LZTS1: variants seen among roughly 807,000 people sequenced by gnomAD.
The protein encoded by LZTS1 is leucine zipper tumor suppressor 1, also known as leucine zipper putative tumor suppressor 1.
Under a neutral mutation model 45.8 loss-of-function variants are expected in LZTS1, and 31 were observed. That is an observed-to-expected ratio of 0.68 (90% CI 0.51 to 0.91). LZTS1 has a LOEUF of 0.91. Ranked by LOEUF, LZTS1 falls within the 40% of genes least tolerant of loss-of-function variation. The pLI, the probability that LZTS1 is intolerant of heterozygous loss-of-function variation, is 0.00. For missense variants in LZTS1, 821 were observed against 788.9 expected (o/e 1.04, Z -0.49); for synonymous variants, 359 against 357.3 (o/e 1.00, Z -0.05).
chr8:20,276,795 G>T (rs936130324), intron 1 of LZTS1, among the ~76,000 whole-genome samples: 3 of 152,214 alleles, frequency 2.0e-5, no homozygotes, highest in African/African-American at 7.2e-5. Flanking sequence ...CCTCTGCAGA[G>T]CTGATTGTTT....
intron 1 of LZTS1, among the ~76,000 whole-genome samples, chr8:20,285,758 G>A (rs576197030): frequency 6.6e-6 from 1 of 152,344 alleles, no homozygotes; most frequent in South Asian, 2.1e-4. Flanking sequence ...AACTAAGCTG[G>A]AGGGTGTATA....
At chr8:20,284,859 T>C (rs923636143) in intron 1 of LZTS1, among the ~76,000 whole-genome samples, 9 of 152,196 alleles carry the variant, frequency 5.9e-5, no homozygotes, top group African/African-American at 2.4e-5. Context: ...CCTGCTCCCA[T>C]AGCCTATCTC....
At chr8:20,281,274 A>T (rs1392962717) in intron 1 of LZTS1, among the ~76,000 whole-genome samples, 1 of 151,962 alleles carries the variant, frequency 6.6e-6, no homozygotes, top group Non-Finnish European at 1.5e-5. Flanking sequence ...AGAATGGCTT[A>T]GTGGCCTGGA....
chr8:20,276,602 A>G (rs1800588554), intron 1 of LZTS1, among the ~76,000 whole-genome samples: 1 of 152,168 alleles, frequency 6.6e-6, no homozygotes, highest in Admixed American at 6.5e-5. Context: ...ATCCTGTACA[A>G]TCAATCAGTA....
chr8:20,251,136 T>TATAA (rs1799893268), intron 3 of LZTS1, among the ~76,000 whole-genome samples: 1 of 82,296 alleles, frequency 1.2e-5, no homozygotes, highest in South Asian at 4.3e-4. Context: ...TATATATATA[T>TATAA]ATATATATAT....
intron 1 of LZTS1, among the ~76,000 whole-genome samples, chr8:20,277,453 T>C (rs1800607418): frequency 6.6e-6 from 1 of 152,228 alleles, no homozygotes; most frequent in African/African-American, 2.4e-5. Flanking sequence ...GCCATTCTTT[T>C]GTTTTGTAAA....
At chr8:20,296,784 A>G (rs148471337) in intron 1 of LZTS1, among the ~76,000 whole-genome samples, 1 of 152,230 alleles carries the variant, frequency 6.6e-6, no homozygotes, top group Non-Finnish European at 1.5e-5. Context: ...TTCTCCCACA[A>G]TGATTAACTG....
At chr8:20,257,449 T>C (rs1317683496) in intron 1 of LZTS1, among the ~76,000 whole-genome samples, 1 of 151,898 alleles carries the variant, frequency 6.6e-6, no homozygotes, top group East Asian at 1.9e-4. Context: ...TTTGGTAACC[T>C]TGACAAGAGC....
intron 1 of LZTS1, among the ~76,000 whole-genome samples, chr8:20,271,242 C>T (rs1800469621): frequency 6.6e-6 from 1 of 152,148 alleles, no homozygotes; most frequent in African/African-American, 2.4e-5. Flanking sequence ...CTTGCCTCCT[C>T]CTGCAAGGCT....
At chr8:20,269,127 T>C (rs945929996) in intron 1 of LZTS1, among the ~76,000 whole-genome samples, 1 of 152,168 alleles carries the variant, frequency 6.6e-6, no homozygotes, top group Non-Finnish European at 1.5e-5. Flanking sequence ...GCAAAGCTCA[T>C]GCAAATTTCA....
intron 1 of LZTS1, among the ~76,000 whole-genome samples, chr8:20,302,857 C>A (rs1268104107): frequency 6.6e-6 from 1 of 152,086 alleles, no homozygotes; most frequent in African/African-American, 2.4e-5. Context: ...TACTCGTGGG[C>A]GAGCACAAGG....
chr8:20,260,967 G>A (rs1418289984), intron 1 of LZTS1, among the ~76,000 whole-genome samples: 1 of 152,178 alleles, frequency 6.6e-6, no homozygotes, highest in African/African-American at 2.4e-5. Context: ...AACTTGGAGA[G>A]AGCATTACAC....
In LZTS1 at chr8:20,249,504, G is replaced by T. The variant is rs754119624; in HGVS notation, c.*218C>A. On this transcript the variant is annotated 3_prime_UTR_variant, in exon 4 of 4. Coordinates refer to ENST00000381569, the MANE Select transcript of LZTS1 (RefSeq NM_021020.5). Reference sequence around the variant, plus strand: ...GACCCATCTCCTGGGAAAGCCAGAGGAGTCAGGGCCTGACGTCTGGTGGGC... The same window carrying T: ...GACCCATCTCCTGGGAAAGCCAGAGTAGTCAGGGCCTGACGTCTGGTGGGC... 2.7e-5 allele frequency: 16 copies of T among 596,320 alleles called. No individual in the cohort carries two copies. The highest frequency in any genetic ancestry group is 4.1e-5 in the Non-Finnish European group (14 of 341,882). The allele number at this position is 596,320 out of a possible 1,614,324, so 36.9% of individuals were successfully genotyped here. A position where few individuals can be genotyped will look rare whatever the true frequency, so the allele number is the denominator to read the frequency against.
intron 1 of LZTS1, among the ~76,000 whole-genome samples, chr8:20,273,660 G>A (rs1432683861): frequency 6.6e-6 from 1 of 152,106 alleles, no homozygotes; most frequent in Non-Finnish European, 1.5e-5. Flanking sequence ...CAGCCACCAA[G>A]CCCTGTCTCA....
At chr8:20,262,441 C>T (rs1428566118) in intron 1 of LZTS1, among the ~76,000 whole-genome samples, 13 of 151,920 alleles carry the variant, frequency 8.6e-5, no homozygotes, top group South Asian at 4.2e-4. Flanking sequence ...CATGTGTGCA[C>T]GTCTTTGTGT....
At position 20,252,991 on chromosome 8, in the gene LZTS1, C is replaced by G; in HGVS notation, c.940G>C (p.Gly314Arg). The change falls in exon 3 of 4, where the codon GGC becomes CGC. Residue 314 changes from glycine to arginine, a missense_variant. Physicochemically the swap from Gly to Arg is moderately radical, Grantham distance 125 (BLOSUM62 -2). Coordinates refer to ENST00000381569, the MANE Select transcript of LZTS1 (RefSeq NM_021020.5). ...TGCGAGGCCTGCTTGAGCTTGTTGC[C>G]GCCTTTGGGCTCCGGGCCCTCCAGC... ...DELEGPEPKG[G>R]NKLKQASQKS... 1 of 1,588,114 alleles carries G rather than the reference C, an allele frequency of 6.3e-7. No individual in the cohort carries two copies. The highest frequency in any genetic ancestry group is 8.6e-7 in the Non-Finnish European group (1 of 1,167,444).
At chr8:20,283,496 G>A (rs1037795160) in intron 1 of LZTS1, among the ~76,000 whole-genome samples, 8 of 152,100 alleles carry the variant, frequency 5.3e-5, no homozygotes, top group African/African-American at 1.4e-4. Context: ...TGGCTACCTC[G>A]TTCATGGTAT....
intron 1 of LZTS1, among the ~76,000 whole-genome samples, chr8:20,268,873 A>T (rs1236610041): frequency 5.9e-5 from 9 of 152,076 alleles, no homozygotes; most frequent in Admixed American, 5.9e-4. Context: ...AGGCTGAGTC[A>T]TTCCATCGGG....
At chr8:20,293,258 T>C (rs989313171) in intron 1 of LZTS1, among the ~76,000 whole-genome samples, 1 of 152,204 alleles carries the variant, frequency 6.6e-6, no homozygotes, top group African/African-American at 2.4e-5. Context: ...GGTTCCCTGC[T>C]GTCTACCAAA....
Sources: gnomAD v4.1 joint callset for allele counts (sites outside exome capture counted in the v4.1 genomes callset) on GRCh38, gnomAD v4.1.1 for gene constraint, MANE v1.5 for transcripts, NCBI Gene and HGNC (gene_info 2026-07-23, HGNC 2026-07-21) for gene names.